TEF: variants seen among roughly 807,000 people sequenced by gnomAD.
TEF encodes the protein TEF transcription factor, PAR bZIP family member, also known as thyrotroph embryonic factor.
Under a neutral mutation model 20.8 loss-of-function variants are expected in TEF, and 3 were observed. The ratio of observed to expected loss-of-function variants is 0.14; its 90% CI spans 0.07 to 0.37. The LOEUF (loss-of-function observed/expected upper bound fraction) is 0.37, where lower values mean the gene tolerates loss of function less well. Among genes scored for constraint, TEF ranks in the 10% least tolerant of loss-of-function variants. The pLI is 1.00. For synonymous variants in TEF, 180 were observed against 171.1 expected (o/e 1.05, Z -0.41); for missense variants, 296 against 397.9 (o/e 0.74, Z 2.18).
intron 2 of TEF, among the ~76,000 whole-genome samples, chr22:41,388,219 A>C (rs1379405513): frequency 6.6e-6 from 1 of 151,562 alleles, no homozygotes; most frequent in Non-Finnish European, 1.5e-5. Flanking sequence ...GCTGGTCTCG[A>C]ACTCCTAACC....
At position 41,397,477 on chromosome 22, in the gene TEF, C is replaced by T. The variant is rs2037244508; in HGVS notation, c.*1517C>T. On this transcript the variant is annotated 3_prime_UTR_variant, in exon 4 of 4. Transcript: ENST00000266304. ...TGGGCGTGCTTCGTCCTCCGTAACA[C>T]TGGCTTTATTTACCGTGGTGGTTCA... is the stretch of plus-strand genomic sequence containing the variant. 5.6e-6 allele frequency: 1 copy of T among 179,340 alleles called. No homozygotes were observed. Among genetic ancestry groups the T allele is most frequent in the Admixed American group, 6.3e-5 (1 of 15,962 alleles). The allele number at this position is 179,340 out of a possible 1,614,324, so 11.1% of individuals were successfully genotyped here. A position where few individuals can be genotyped will look rare whatever the true frequency, so the allele number is the denominator to read the frequency against.
chr22:41,376,005 G>A (rs1220509534), intron 1 of TEF, among the ~76,000 whole-genome samples: 1 of 152,088 alleles, frequency 6.6e-6, no homozygotes, highest in African/African-American at 2.4e-5. Context: ...ACACGTCCCA[G>A]GCCCATGTCC....
intron 2 of TEF, among the ~76,000 whole-genome samples, chr22:41,390,736 T>C (rs763678656): frequency 4.6e-5 from 7 of 152,010 alleles, no homozygotes; most frequent in Non-Finnish European, 1.0e-4. Flanking sequence ...TCACCTCAGG[T>C]GATCCACCTG....
At chr22:41,383,774 T>C (rs902896316) in intron 1 of TEF, among the ~76,000 whole-genome samples, 11 of 152,238 alleles carry the variant, frequency 7.2e-5, no homozygotes, top group African/African-American at 1.4e-4. Flanking sequence ...CTGGAACTTA[T>C]TGTTGCCTGT....
rs201183003 is a variant in TEF at position 41,370,115 on chromosome 22, T to TC, written c.67+2521dup. The TC allele has an allele frequency of 1.4e-3, 1,374 of 965,376 alleles. 1 individual carries two copies. Among genetic ancestry groups the TC allele is most frequent in the African/African-American group, 0.012 (655 of 55,460 alleles). The allele number at this position is 965,376 out of a possible 1,614,324, so 59.8% of individuals were successfully genotyped here. On this transcript the variant is annotated intron_variant, in intron 1 of 3. Transcript: ENST00000406644. ...ACTCCACTTTCTTTTATTTTCTCTT[T>TC]CCCCCTTTTTTTTTTTTGAGATAAG...
upstream of TEF, among the ~76,000 whole-genome samples, chr22:41,379,865 C>T (rs1444021968): frequency 6.8e-6 from 1 of 147,574 alleles, no homozygotes; most frequent in Non-Finnish European, 1.5e-5. Context: ...TGCACTCCAG[C>T]CTGGGCAACA....
intron 2 of TEF, among the ~76,000 whole-genome samples, chr22:41,389,403 A>AC (rs2037138744): frequency 6.6e-6 from 1 of 151,884 alleles, no homozygotes; most frequent in Admixed American, 6.6e-5. Context: ...TCCATCTCAA[A>AC]GAAAAAAAAA....
At position 41,396,776 on chromosome 22, in the gene TEF, A is replaced by G. The variant is rs113993608; in HGVS notation, c.*816A>G. 1 of 396,114 alleles carries G rather than the reference A, an allele frequency of 2.5e-6. No individual in the cohort carries two copies. The highest frequency in any genetic ancestry group is 4.4e-6 in the Non-Finnish European group (1 of 225,108). 24.5% of individuals were successfully genotyped at this position (396,114 alleles called of 1,614,324 possible). On this transcript the variant is annotated 3_prime_UTR_variant, in exon 4 of 4. Coordinates refer to ENST00000266304, the MANE Select transcript of TEF (RefSeq NM_003216.4). Reference sequence around the variant, plus strand: ...AGGCCATGTGAAGCTCGTTTGTCCCACTAGACCAGGCCTCTGGGCCTGCTC... The same window carrying G: ...AGGCCATGTGAAGCTCGTTTGTCCCGCTAGACCAGGCCTCTGGGCCTGCTC...
At chr22:41,368,572 C>A (rs2036846625) in intron 1 of TEF, among the ~76,000 whole-genome samples, 1 of 152,184 alleles carries the variant, frequency 6.6e-6, no homozygotes, top group South Asian at 2.1e-4. Flanking sequence ...CCTCCCTTCA[C>A]CCCTCTGGAA....
intron 2 of TEF, among the ~76,000 whole-genome samples, 170 bp downstream of exon 2, chr22:41,387,838 C>T (rs1005730382): frequency 2.0e-5 from 3 of 152,010 alleles, no homozygotes; most frequent in South Asian, 2.1e-4. Context: ...CACAGTTCCC[C>T]GAGGCTGGAG....
chr22:41,382,912 T>A (rs1039985135), intron 1 of TEF: 1 of 471,042 alleles, frequency 2.1e-6, no homozygotes, highest in South Asian at 1.5e-5. Context: ...CCTTAGATTC[T>A]GGGGCCACGG....
chr22:41,391,970 T>TTCCC (rs1274289361), intron 2 of TEF, among the ~76,000 whole-genome samples: 3 of 152,190 alleles, frequency 2.0e-5, no homozygotes, highest in Non-Finnish European at 2.9e-5. Context: ...TAATGCAGCT[T>TTCCC]TCCCCACTAG....
At chr22:41,393,340 CAA>C (rs34533572) in intron 2 of TEF, among the ~76,000 whole-genome samples, 265 of 127,676 alleles carry the variant, frequency 2.1e-3, no homozygotes, top group Middle Eastern at 8.2e-3. Flanking sequence ...GACCCTGTCT[CAA>C]AAAAAAAAAA....
Position 41,385,946 on chromosome 22 carries a change from A to C in TEF, c.158-1405A>C, listed in dbSNP as rs1444360568. ...GTGATCCACCCGCCTCAGCCTCCCA[A>C]AGTGCTGGGATTACAGGTGTGAGCC... On this transcript the variant is annotated intron_variant, in intron 1 of 3. Coordinates refer to ENST00000266304, the MANE Select transcript of TEF (RefSeq NM_003216.4). Among the ~76,000 whole-genome samples the C allele has an allele frequency of 2.0e-5, 3 of 149,026 alleles. No homozygotes were observed. In the South Asian group the frequency reaches 6.4e-4, roughly 32 times the overall value.
At position 41,373,158 on chromosome 22, in the gene TEF, AGAGTT is replaced by A. The variant is rs1394803973; in HGVS notation, c.67+5560_67+5564del. On this transcript the variant is annotated intron_variant, in intron 1 of 3. Transcript: ENST00000406644. ...GAACAACCCAAGCAGGAATTACAGTAGAGTTAACTTTGACCGAGCACATGCTATAG... is the reference window on the plus strand; with the variant it reads ...GAACAACCCAAGCAGGAATTACAGTAAACTTTGACCGAGCACATGCTATAG... Among the ~76,000 whole-genome samples, 16 of 152,224 alleles carry A rather than the reference AGAGTT, an allele frequency of 1.1e-4. 1 individual carries two copies. Among genetic ancestry groups the A allele is most frequent in the Admixed American group, 7.2e-4 (11 of 15,284 alleles).
chr22:41,378,830 A>G (rs1473662999), upstream of TEF, among the ~76,000 whole-genome samples: 1 of 152,172 alleles, frequency 6.6e-6, no homozygotes, highest in Non-Finnish European at 1.5e-5. Context: ...CTTCCCCTAA[A>G]GGTGTTTAAG....
intron 2 of TEF, among the ~76,000 whole-genome samples, chr22:41,390,487 A>G (rs1333320319): frequency 7.3e-6 from 1 of 136,356 alleles, no homozygotes; most frequent in East Asian, 2.1e-4. Flanking sequence ...TTAAGGTCTC[A>G]TTGTCATCTT....
At chr22:41,373,602 T>C (rs926614988) in intron 1 of TEF, among the ~76,000 whole-genome samples, 4 of 151,890 alleles carry the variant, frequency 2.6e-5, no homozygotes, top group African/African-American at 9.7e-5. Flanking sequence ...CCTGAGTAGC[T>C]GGGATTATGG....
chr22:41,394,409 TCC>T, intron 3 of TEF, 93 bp downstream of exon 3: 3 of 1,229,632 alleles, frequency 2.4e-6, no homozygotes, highest in Non-Finnish European at 3.4e-6. Flanking sequence ...TGGAGAGCCT[TCC>T]CTCCTTGTGA....
Sources: allele counts gnomAD v4.1 joint callset (sites outside exome capture counted in the v4.1 genomes callset), GRCh38; gene constraint gnomAD v4.1.1; transcripts MANE v1.5; gene names NCBI Gene and HGNC (gene_info 2026-07-23, HGNC 2026-07-21).